SLC27A6: variants seen among roughly 807,000 people sequenced by gnomAD.
SLC27A6 encodes the protein long-chain fatty acid transport protein 6.
SLC27A6 carries 74 observed loss-of-function variants against 63.9 expected under a neutral mutation model. The ratio of observed to expected loss-of-function variants is 1.16; its 90% CI spans 0.96 to 1.40. SLC27A6 has a LOEUF of 1.40. SLC27A6 is among the 40% of genes most tolerant of loss of function. The pLI, the probability that SLC27A6 is intolerant of heterozygous loss-of-function variation, is 0.00. For missense variants in SLC27A6, 794 were observed against 732.9 expected, an observed-to-expected ratio of 1.08 and a Z score of -0.96; for synonymous variants, 287 against 260.8, an observed-to-expected ratio of 1.10 and a Z score of -0.97.
intron 1 of SLC27A6, among the ~76,000 whole-genome samples, chr5:128,972,589 G>T (rs187736211): frequency 2.3e-3 from 353 of 152,270 alleles, no homozygotes; most frequent in African/African-American, 8.2e-3. Context: ...GCATCATGCA[G>T]TTCTCGTGCC....
chr5:129,015,904 A>G lies in SLC27A6; in HGVS notation c.989A>G (p.His330Arg). ...TAACAGAGAGAAGGAGAAAAGGATC[A>G]TAAGGTGCGTTTGGCAATTGGAAAT... is the stretch of plus-strand genomic sequence containing the variant. ...KQSKREGEKDHKVRLAIGNGI... is the reference protein window; with the variant it reads ...KQSKREGEKDRKVRLAIGNGI... Residue 330 changes from histidine (H) to arginine (R), a missense_variant, in exon 5 of 10, where the codon CAT (histidine) becomes CGT (arginine). By Grantham distance (29) the His-to-Arg change is conservative (BLOSUM62 0). Coordinates refer to ENST00000262462, the MANE Select transcript of SLC27A6 (RefSeq NM_001017372.3). 3 of 1,595,396 alleles carry G rather than the reference A, an allele frequency of 1.9e-6. No homozygotes were observed. The highest frequency in any genetic ancestry group is 2.6e-6 in the Non-Finnish European group (3 of 1,173,578).
At chr5:129,031,999 A>T (rs1233366754) in intron 9 of SLC27A6, among the ~76,000 whole-genome samples, 1 of 151,964 alleles carries the variant, frequency 6.6e-6, no homozygotes, top group African/African-American at 2.4e-5. Flanking sequence ...CAAGCTACTC[A>T]TAGAATGTTG....
rs771737766 is a variant in SLC27A6 at position 129,033,414 on chromosome 5, A to T, written c.*132A>T. 1 of 450,326 alleles carries T rather than the reference A, an allele frequency of 2.2e-6. No homozygotes were observed. The highest frequency in any genetic ancestry group is 3.9e-6 in the Non-Finnish European group (1 of 255,360). The allele number at this position is 450,326 out of a possible 1,614,324, so 27.9% of individuals were successfully genotyped here. On this transcript the variant is annotated 3_prime_UTR_variant, in exon 10 of 10. Transcript: ENST00000262462. ...CTATATTTCCTTAATATGAGAGATA[A>T]TTTTTTAATTGCATAAGAATTTTAA...
At chr5:129,022,016 A>G (rs1458091732) in intron 5 of SLC27A6, among the ~76,000 whole-genome samples, 1 of 152,232 alleles carries the variant, frequency 6.6e-6, no homozygotes, top group Non-Finnish European at 1.5e-5. Context: ...AAGAATAAGT[A>G]ATGAACAGGG....
chr5:128,967,264 C>T (rs113202243), intron 1 of SLC27A6, among the ~76,000 whole-genome samples: 6 of 152,056 alleles, frequency 3.9e-5, no homozygotes, highest in African/African-American at 1.2e-4. Context: ...GTTAGGACAT[C>T]TTAGGCTACA....
chr5:128,987,834 GAAAT>G (rs1269711752), intron 2 of SLC27A6, among the ~76,000 whole-genome samples: 3 of 152,004 alleles, frequency 2.0e-5, no homozygotes, highest in Non-Finnish European at 4.4e-5. Flanking sequence ...AAAAAGAACA[GAAAT>G]AAGGAAGGAA....
At chr5:128,966,910 T>C (rs77699344) in intron 1 of SLC27A6, among the ~76,000 whole-genome samples, 74 of 152,306 alleles carry the variant, frequency 4.9e-4, no homozygotes, top group African/African-American at 1.6e-3. Context: ...GAGAACTTGG[T>C]CACTTCTAAA....
intron 5 of SLC27A6, among the ~76,000 whole-genome samples, chr5:129,018,016 G>A (rs1751962610): frequency 6.6e-6 from 1 of 152,080 alleles, no homozygotes; most frequent in South Asian, 2.1e-4. Context: ...ACTTCCTACA[G>A]ACATACATGT....
At chr5:129,028,700 G>T in intron 8 of SLC27A6, among the ~76,000 whole-genome samples, 1 of 148,978 alleles carries the variant, frequency 6.7e-6, no homozygotes. Flanking sequence ...TCTGATCAAT[G>T]TCTCACTGCT....
intron 4 of SLC27A6, among the ~76,000 whole-genome samples, chr5:129,007,819 A>G (rs187227433): frequency 1.1e-4 from 16 of 152,216 alleles, no homozygotes; most frequent in African/African-American, 3.4e-4. Context: ...TCACTCTACT[A>G]TCTATAATGA....
At chr5:128,985,451 A>G (rs1192529556) in intron 2 of SLC27A6, 115 bp downstream of exon 2, 1 of 757,684 alleles carries the variant, frequency 1.3e-6, no homozygotes, top group African/African-American at 1.7e-5. Context: ...CATGCTTGCA[A>G]GAAGATGTAA....
At chr5:128,971,811 T>G (rs937929929) in intron 1 of SLC27A6, among the ~76,000 whole-genome samples, 2 of 152,188 alleles carry the variant, frequency 1.3e-5, no homozygotes, top group Non-Finnish European at 2.9e-5. Flanking sequence ...CATTATGATT[T>G]TAGCTGGTTA....
chr5:128,966,876 C>T (rs1749924520), intron 1 of SLC27A6, among the ~76,000 whole-genome samples: 1 of 152,136 alleles, frequency 6.6e-6, no homozygotes, highest in African/African-American at 2.4e-5. Context: ...CTATTGGTTC[C>T]TTCAGTGAGT....
In SLC27A6 at chr5:128,966,618, G is replaced by A. The variant is rs1749913573; in HGVS notation, c.481G>A (p.Asp161Asn). ...CGPRALVVGA[D>N]LLGTVEEILP... ...GCCCAGAGCCCTAGTGGTGGGCGCA[G>A]GTAGAGTATGGGGTGTGGTCTGCCT... The change falls in exon 1 of 10, where the codon GAT (aspartate) becomes AAT (asparagine). Residue 161 changes from aspartate to asparagine, a missense_variant and splice_region_variant. Physicochemically the swap from Asp to Asn is conservative, Grantham distance 23. Coordinates refer to ENST00000262462, the MANE Select transcript of SLC27A6 (RefSeq NM_001017372.3). 4.0e-6 allele frequency: 6 copies of A among 1,513,468 alleles called. No individual in the cohort carries two copies. The highest frequency in any genetic ancestry group is 5.3e-6 in the Non-Finnish European group (6 of 1,139,962). 93.8% of individuals were successfully genotyped at this position (1,513,468 alleles called of 1,614,324 possible).
At chr5:129,013,780 C>A (rs952482600) in intron 4 of SLC27A6, among the ~76,000 whole-genome samples, 2 of 152,058 alleles carry the variant, frequency 1.3e-5, no homozygotes, top group African/African-American at 4.8e-5. Flanking sequence ...TTTTATTATT[C>A]TATAGGGCTC....
At chr5:128,992,034 ATTAT>A (rs1394202095) in intron 4 of SLC27A6, among the ~76,000 whole-genome samples, 4 of 151,250 alleles carry the variant, frequency 2.6e-5, no homozygotes, top group African/African-American at 7.3e-5. Flanking sequence ...ATTATTATAA[ATTAT>A]TTATCTTTTA....
intron 6 of SLC27A6, among the ~76,000 whole-genome samples, chr5:129,025,242 G>A (rs1213933130): frequency 6.6e-6 from 1 of 151,914 alleles, no homozygotes; most frequent in Non-Finnish European, 1.5e-5. Flanking sequence ...GCCCAGACAG[G>A]AAAGATATGA....
intron 2 of SLC27A6, among the ~76,000 whole-genome samples, chr5:128,987,339 A>G (rs1016972645): frequency 6.6e-5 from 10 of 152,258 alleles, no homozygotes; most frequent in Admixed American, 6.5e-4. Flanking sequence ...ACTAGTAAAT[A>G]AGTATTCTTC....
intron 2 of SLC27A6, among the ~76,000 whole-genome samples, chr5:128,987,473 T>G (rs1005437449): frequency 6.6e-6 from 1 of 152,240 alleles, no homozygotes; most frequent in Admixed American, 6.5e-5. Flanking sequence ...GAATATATTC[T>G]AGATTAGATT....
Sources: allele counts gnomAD v4.1 joint callset (sites outside exome capture counted in the v4.1 genomes callset), GRCh38; gene constraint gnomAD v4.1.1; transcripts MANE v1.5; gene names NCBI Gene and HGNC (gene_info 2026-07-23, HGNC 2026-07-21).